The following MON2 variants were observed in gnomAD, a reference collection of about 807,000 sequenced individuals.
The protein encoded by MON2 is MON2 regulator of endosome-to-Golgi trafficking, also known as protein MON2 homolog.
Under a neutral mutation model 208.6 loss-of-function variants are expected in MON2, and 84 were observed. The observed-to-expected ratio is 0.40, with a 90% CI of 0.34 to 0.48. The LOEUF is 0.48. MON2 is among the 20% of genes least tolerant of loss of function. The pLI is 0.59. For missense variants in MON2, 1,611 were observed against 2,015.4 expected (o/e 0.80, Z 3.84); for synonymous variants, 660 against 694.0 (o/e 0.95, Z 0.77).
intron 2 of MON2, among the ~76,000 whole-genome samples, chr12:62,487,284 G>T (rs903354578): frequency 6.6e-6 from 1 of 151,914 alleles, no homozygotes; most frequent in Non-Finnish European, 1.5e-5. Flanking sequence ...ATTACAAATT[G>T]TGTTTATTAT....
Position 62,524,708 on chromosome 12 carries a change from T to C in MON2, c.1109+69T>C, listed in dbSNP as rs191171645. 150 of 1,445,470 alleles carry C rather than the reference T, an allele frequency of 1.0e-4. No homozygotes were observed. In the East Asian group the frequency reaches 3.3e-3, roughly 32 times the overall value. The allele number at this position is 1,445,470 out of a possible 1,614,324, so 89.5% of individuals were successfully genotyped here. On this transcript the variant is annotated intron_variant, in intron 9 of 34. Transcript: ENST00000393630. ...TATTAACCTGTAAACTAACCTATAATAGGTTAATAAACTAGTCAGAAGACT... is the reference window on the plus strand; with the variant it reads ...TATTAACCTGTAAACTAACCTATAACAGGTTAATAAACTAGTCAGAAGACT...
chr12:62,572,778 C>G (rs1325547352), intron 30 of MON2, among the ~76,000 whole-genome samples: 2 of 152,090 alleles, frequency 1.3e-5, no homozygotes, highest in Non-Finnish European at 2.9e-5. Flanking sequence ...ATCCATCAAT[C>G]ATTTTTTGAT....
At chr12:62,565,141 G>A (rs2074333123) in intron 26 of MON2, 96 bp from the exon 27 acceptor site, 4 of 1,237,684 alleles carry the variant, frequency 3.2e-6, no homozygotes, top group Non-Finnish European at 4.6e-6. Flanking sequence ...AAATAAGACA[G>A]TTTTTAAGAT....
intron 3 of MON2, among the ~76,000 whole-genome samples, chr12:62,494,409 G>C (rs78583655): frequency 2.2e-4 from 34 of 152,176 alleles, no homozygotes; most frequent in Middle Eastern, 3.4e-3. Context: ...TAACTTAAAC[G>C]TATTGTTCAT....
Position 62,526,062 on chromosome 12 carries a change from A to G in MON2, c.1360A>G (p.Ile454Val). The G allele has an allele frequency of 1.2e-6, 2 of 1,613,940 alleles. No homozygotes were observed. The highest frequency in any genetic ancestry group is 2.2e-5 in the South Asian group (2 of 91,080). The change falls in exon 11 of 35, where the codon ATT (isoleucine) becomes GTT (valine). Residue 454 changes from isoleucine to valine, a missense_variant. Ile to Val is a conservative substitution (Grantham distance 29, BLOSUM62 3). Transcript: ENST00000393630. ...TGAATATAGGGGAACCTGGATACCT[A>G]TTCTGACAATCACAGTTCAAGGCAG... ...AFEYRGTWIP[I>V]LTITVQGSAK...
In MON2 at chr12:62,592,652, C is replaced by T. The variant is rs765362997; in HGVS notation, c.5057C>T (p.Ser1686Phe). The change falls in exon 35 of 35, where the codon TCT (serine) becomes TTT (phenylalanine). Residue 1686 changes from serine to phenylalanine, a missense_variant. Ser to Phe is a radical substitution (Grantham distance 155). Coordinates refer to ENST00000393630, the MANE Select transcript of MON2 (RefSeq NM_015026.3). ...YPTLVECITC[S>F]SSEVCSALKE... ...ACTTTAGTAGAATGCATCACCTGTT[C>T]TTCTTCAGAAGTCTGTTCTGCACTT... The T allele has an allele frequency of 6.2e-7, 1 of 1,612,116 alleles. No individual in the cohort carries two copies. The highest frequency in any genetic ancestry group is 1.7e-5 in the Admixed American group (1 of 60,002).
chr12:62,537,862 A>T (rs1592334600), intron 16 of MON2, among the ~76,000 whole-genome samples, 156 bp downstream of exon 16: 1 of 152,204 alleles, frequency 6.6e-6, no homozygotes, highest in East Asian at 1.9e-4. Flanking sequence ...GATGTGACTC[A>T]TATTGTAGGA....
chr12:62,538,384 A>C (rs1174620419), intron 18 of MON2, 31 bp from the exon 19 acceptor site: 2 of 1,589,880 alleles, frequency 1.3e-6, no homozygotes, highest in Admixed American at 1.7e-5. Flanking sequence ...ATTTTAGATC[A>C]AGATGTCTTA....
intron 20 of MON2, 72 bp downstream of exon 20, chr12:62,543,270 G>T (rs1447760372): frequency 1.3e-6 from 1 of 766,896 alleles, no homozygotes. Flanking sequence ...ATTCTAAATA[G>T]CCATTTGAAA....
At chr12:62,529,300 G>A (rs2072500071) in intron 11 of MON2, among the ~76,000 whole-genome samples, 2 of 152,072 alleles carry the variant, frequency 1.3e-5, no homozygotes, top group African/African-American at 4.8e-5. Context: ...TGTAATATTA[G>A]TCCTCAGTTT....
rs963772943 is a variant in MON2 at position 62,580,020 on chromosome 12, T to A, written c.4576-277T>A. ...CATATGCTATTTTTCTCTAGAGCCC[T>A]ATTTGCAGTTATCATGCTGAAGATC... On this transcript the variant is annotated intron_variant, in intron 31 of 34. Transcript: ENST00000393630. Among the ~76,000 whole-genome samples, 59 of 152,362 alleles carry A rather than the reference T, an allele frequency of 3.9e-4. 1 individual carries two copies. Among genetic ancestry groups the A allele is most frequent in the African/African-American group, 1.4e-3 (57 of 41,592 alleles).
intron 12 of MON2, 52 bp downstream of exon 12, chr12:62,532,722 T>C (rs767659525): frequency 7.1e-7 from 1 of 1,406,372 alleles, no homozygotes; most frequent in East Asian, 2.4e-5. Flanking sequence ...AATTTACAAT[T>C]TGCAAAAATT....
At chr12:62,492,902 C>T (rs952434593) in intron 2 of MON2, among the ~76,000 whole-genome samples, 1 of 151,636 alleles carries the variant, frequency 6.6e-6, no homozygotes, top group African/African-American at 2.4e-5. Flanking sequence ...TCACTTGAAC[C>T]GGGGAGTCGG....
chr12:62,524,452 AAC>A (rs2072230977), intron 8 of MON2, 61 bp from the exon 9 acceptor site: 4 of 1,376,534 alleles, frequency 2.9e-6, no homozygotes, highest in Non-Finnish European at 4.1e-6. Flanking sequence ...TAAGAATAAG[AAC>A]ACAGTCTATA....
intron 34 of MON2, among the ~76,000 whole-genome samples, chr12:62,589,368 A>G (rs2075320557): frequency 6.6e-6 from 1 of 152,256 alleles, no homozygotes; most frequent in Non-Finnish European, 1.5e-5. Flanking sequence ...GATTCCTAGT[A>G]AATTACTAAT....
chr12:62,494,867 T>G (rs10877862), intron 3 of MON2, 149 bp from the exon 4 acceptor site: 1 of 499,156 alleles, frequency 2.0e-6, no homozygotes, highest in Non-Finnish European at 3.4e-6. Flanking sequence ...GAGAGATGTG[T>G]TTGGATCTAG....
chr12:62,488,854 G>A (rs2069945675), intron 2 of MON2, among the ~76,000 whole-genome samples: 1 of 151,456 alleles, frequency 6.6e-6, no homozygotes, highest in South Asian at 2.1e-4. Context: ...GTTTTAAATT[G>A]CTGTATGATA....
At chr12:62,584,728 A>T (rs77569333) in intron 32 of MON2, among the ~76,000 whole-genome samples, 4 of 148,042 alleles carry the variant, frequency 2.7e-5, no homozygotes, top group Non-Finnish European at 6.0e-5. Context: ...AAAAAAAAAA[A>T]GGAGATCTTG....
chr12:62,572,225 G>A (rs1357511964), intron 30 of MON2, among the ~76,000 whole-genome samples: 1 of 152,120 alleles, frequency 6.6e-6, no homozygotes, highest in Non-Finnish European at 1.5e-5. Context: ...ATTTTCTTCA[G>A]TCTCTCTAGG....
Sources: allele counts gnomAD v4.1 joint callset (sites outside exome capture counted in the v4.1 genomes callset), GRCh38; gene constraint gnomAD v4.1.1; transcripts MANE v1.5; gene names NCBI Gene and HGNC (gene_info 2026-07-23, HGNC 2026-07-21).